Variants in PHTF2 observed in about 807,000 individuals in gnomAD.
PHTF2 encodes protein PHTF2.
Under a neutral mutation model 101.2 loss-of-function variants are expected in PHTF2, and 60 were observed. The ratio of observed to expected loss-of-function variants is 0.59; its 90% CI spans 0.48 to 0.73. The LOEUF is 0.73. Among genes scored for constraint, PHTF2 ranks in the 30% least tolerant of loss-of-function variants. The pLI is 0.00. For synonymous variants in PHTF2, 311 were observed against 307.3 expected, an observed-to-expected ratio of 1.01 and a Z score of -0.13; for missense variants, 747 against 908.7, an observed-to-expected ratio of 0.82 and a Z score of 2.29.
chr7:77,800,198 C>G (rs1286073236), intron 1 of PHTF2, among the ~76,000 whole-genome samples: 1 of 152,092 alleles, frequency 6.6e-6, no homozygotes, highest in Non-Finnish European at 1.5e-5. Flanking sequence ...GAAATCCTAA[C>G]TTGGATATGG....
intron 9 of PHTF2, among the ~76,000 whole-genome samples, chr7:77,918,158 G>A (rs573294170): frequency 6.6e-6 from 1 of 152,284 alleles, no homozygotes; most frequent in East Asian, 1.9e-4. Context: ...AATGGTTAAA[G>A]CAGCAGTTAT....
intron 1 of PHTF2, among the ~76,000 whole-genome samples, chr7:77,822,894 A>G (rs1352957503): frequency 6.7e-6 from 1 of 149,574 alleles, no homozygotes; most frequent in Non-Finnish European, 1.5e-5. Flanking sequence ...GAAATTAAAA[A>G]TATTTAAATC....
chr7:77,820,548 G>GTGTA (rs1794205498), intron 1 of PHTF2, among the ~76,000 whole-genome samples: 2 of 151,790 alleles, frequency 1.3e-5, no homozygotes, highest in African/African-American at 2.4e-5. Context: ...GTGTGTTTGT[G>GTGTA]TATACGTATA....
intron 1 of PHTF2, among the ~76,000 whole-genome samples, chr7:77,827,925 C>T (rs1354304931): frequency 6.6e-6 from 1 of 151,916 alleles, no homozygotes; most frequent in Non-Finnish European, 1.5e-5. Context: ...ATTACAGGTG[C>T]GAGCCACGGA....
At chr7:77,897,574 T>C (rs1159885887) in intron 5 of PHTF2, among the ~76,000 whole-genome samples, 1 of 152,154 alleles carries the variant, frequency 6.6e-6, no homozygotes, top group Non-Finnish European at 1.5e-5. Context: ...TTAAACTGTT[T>C]AACAGTTCTT....
At chr7:77,864,754 G>A (rs1584524573) in intron 3 of PHTF2, among the ~76,000 whole-genome samples, 1 of 150,826 alleles carries the variant, frequency 6.6e-6, no homozygotes, top group Non-Finnish European at 1.5e-5. Context: ...AGTTGTGTGT[G>A]TTCTTTTTGT....
At chr7:77,916,181 T>C (rs926069772) in intron 9 of PHTF2, among the ~76,000 whole-genome samples, 5 of 152,224 alleles carry the variant, frequency 3.3e-5, no homozygotes, top group Admixed American at 2.6e-4. Context: ...TGTTTTGAAG[T>C]TGACAAAATA....
At chr7:77,922,212 A>G (rs1803543913) in intron 10 of PHTF2, among the ~76,000 whole-genome samples, 1 of 151,464 alleles carries the variant, frequency 6.6e-6, no homozygotes, top group Non-Finnish European at 1.5e-5. Flanking sequence ...ATTTTTTAAG[A>G]GACTGAGTTT....
At chr7:77,911,833 A>G (rs1442926933) in intron 9 of PHTF2, among the ~76,000 whole-genome samples, 3 of 152,156 alleles carry the variant, frequency 2.0e-5, no homozygotes, top group South Asian at 2.1e-4. Context: ...TTCTGTCTAT[A>G]TCTCTCTCTT....
chr7:77,947,826 C>CTTTCTTTTTTTTTTTTTTTTT (rs1562976127), intron 16 of PHTF2, among the ~76,000 whole-genome samples: 18 of 86,936 alleles, frequency 2.1e-4, no homozygotes, highest in African/African-American at 7.5e-4. Flanking sequence ...TTTCTTTTTT[C>CTTTCTTTTTTTTTTTTTTTTT]TTTTTTCTTT....
chr7:77,834,312 CA>C (rs34947684), intron 1 of PHTF2, among the ~76,000 whole-genome samples: 5,656 of 89,114 alleles, frequency 0.063, 78 homozygotes, highest in Middle Eastern at 0.1. Context: ...GACCTTGTCT[CA>C]AAAAAAAAAA....
At chr7:77,806,017 A>C (rs1356741164) in intron 1 of PHTF2, among the ~76,000 whole-genome samples, 5 of 152,324 alleles carry the variant, frequency 3.3e-5, no homozygotes, top group African/African-American at 1.2e-4. Flanking sequence ...TCTACTAAAA[A>C]TACAAAAAGT....
chr7:77,882,292 T>C (rs1467041730), intron 3 of PHTF2, among the ~76,000 whole-genome samples: 1 of 152,140 alleles, frequency 6.6e-6, no homozygotes, highest in East Asian at 1.9e-4. Flanking sequence ...ATTGACCGAA[T>C]TCTAGAAATC....
At chr7:77,816,515 A>C (rs1372486711) in intron 1 of PHTF2, among the ~76,000 whole-genome samples, 1 of 152,268 alleles carries the variant, frequency 6.6e-6, no homozygotes, top group Non-Finnish European at 1.5e-5. Context: ...TGAGGGGTAC[A>C]TAATGATGTT....
chr7:77,816,627 C>T lies in PHTF2; in HGVS notation c.-36+17656C>T, dbSNP rs954703714. Among the ~76,000 whole-genome samples, 10 of 152,266 alleles carry T rather than the reference C, an allele frequency of 6.6e-5. No homozygotes were observed. The East Asian group carries it at 1.3e-3, about 21-fold the overall frequency. ...ATTTGCAACTATATATTATTGTTAA[C>T]TATAGTCATCCAACAGTGGTATAGA... On this transcript the variant is annotated intron_variant, in intron 1 of 19. Coordinates refer to ENST00000416283, the Ensembl canonical transcript of PHTF2.
rs370032693 is a variant in PHTF2, at chr7:77,804,068, T to A, written c.-36+5097T>A. On this transcript the variant is annotated intron_variant, in intron 1 of 19. Coordinates refer to ENST00000416283, the Ensembl canonical transcript of PHTF2. ...AATCTCTTGACTACTTTCTTACTTA[T>A]TTCTAAAATTCTTTGACAAGGAAAA... Among the ~76,000 whole-genome samples the A allele has an allele frequency of 5.0e-4, 76 of 152,340 alleles. 1 individual carries two copies. The South Asian group carries it at 0.011, about 23-fold the overall frequency.
chr7:77,845,999 C>A (rs906389986), intron 2 of PHTF2, among the ~76,000 whole-genome samples: 5 of 152,114 alleles, frequency 3.3e-5, no homozygotes, highest in African/African-American at 4.8e-5. Flanking sequence ...TTGGCTTATT[C>A]CTTCCCATCA....
At chr7:77,804,020 A>G (rs867481946) in intron 1 of PHTF2, among the ~76,000 whole-genome samples, 6 of 150,230 alleles carry the variant, frequency 4.0e-5, no homozygotes, top group Middle Eastern at 3.4e-3. Flanking sequence ...TTAAGTGTAT[A>G]GGGAGAGGAA....
chr7:77,940,315 T>G lies in PHTF2; in HGVS notation c.1740+13T>G. ...AACTTATAAACAGGTGGGTATAATG[T>G]AGACTTCCGAATAAGAATATTTTAT... On this transcript the variant is annotated intron_variant, in intron 14 of 19. Coordinates refer to ENST00000416283, the Ensembl canonical transcript of PHTF2. The G allele has an allele frequency of 6.4e-7, 1 of 1,571,994 alleles. No individual in the cohort carries two copies.
Sources: gnomAD v4.1 joint callset for allele counts (sites outside exome capture counted in the v4.1 genomes callset) on GRCh38, gnomAD v4.1.1 for gene constraint, MANE v1.5 for transcripts, NCBI Gene and HGNC (gene_info 2026-07-23, HGNC 2026-07-21) for gene names.